Variants in EVI5 observed in about 807,000 individuals in gnomAD.
EVI5 encodes the protein ecotropic viral integration site 5 protein homolog.
A neutral mutation model predicts 112.0 loss-of-function variants in EVI5; 73 were observed. That is an observed-to-expected ratio of 0.65 (90% CI 0.54 to 0.79). The LOEUF is 0.79. Ranked by LOEUF, EVI5 falls within the 30% of genes least tolerant of loss-of-function variation. The pLI, the probability that EVI5 is intolerant of heterozygous loss-of-function variation, is 0.00. For synonymous variants in EVI5, 305 were observed against 319.9 expected (o/e 0.95, Z 0.50); for missense variants, 900 against 968.8 (o/e 0.93, Z 0.94).
At chr1:92,691,917 A>T (rs1669561351) in intron 9 of EVI5, among the ~76,000 whole-genome samples, 1 of 152,196 alleles carries the variant, frequency 6.6e-6, no homozygotes. Context: ...GTTTGGGAAG[A>T]ATGGTAAGGT....
At chr1:92,684,576 C>A (rs1260980087) in intron 9 of EVI5, among the ~76,000 whole-genome samples, 1 of 152,046 alleles carries the variant, frequency 6.6e-6, no homozygotes, top group Admixed American at 6.5e-5. Flanking sequence ...TGTAAATGGG[C>A]TAAATGCTCC....
rs150110976 is a variant in EVI5 at position 92,697,981 on chromosome 1, G to A, written c.644C>T (p.Pro215Leu). The change falls in exon 6 of 20, where the codon CCA (proline) becomes CTA (leucine). Residue 215 changes from proline (P) to leucine (L), a missense_variant. Transcript: ENST00000684568. ...FIVGLLLMQM[P>L]EEEAFCVFVK... ...AAATACACAGAAAGCTTCTTCTTCT[G>A]GCATCTACATTGGAAGAAAAAAAAA... 3 of 1,609,042 alleles carry A rather than the reference G, an allele frequency of 1.9e-6. No homozygotes were observed. In the African/African-American group the frequency reaches 4.0e-5, roughly 22 times the overall value.
At chr1:92,563,049 T>C (rs529927377) in intron 19 of EVI5, among the ~76,000 whole-genome samples, 5 of 152,302 alleles carry the variant, frequency 3.3e-5, no homozygotes, top group African/African-American at 1.2e-4. Context: ...AACATATCTC[T>C]CTAATCAAAA....
At chr1:92,542,586 A>T (rs1664999402) in intron 19 of EVI5, among the ~76,000 whole-genome samples, 1 of 152,236 alleles carries the variant, frequency 6.6e-6, no homozygotes. Context: ...CATTAGAGGA[A>T]TCACTATATA....
chr1:92,524,850 CAA>C (rs1661584195), intron 19 of EVI5, among the ~76,000 whole-genome samples: 1 of 132,490 alleles, frequency 7.5e-6, no homozygotes, highest in African/African-American at 2.8e-5. Context: ...TTTTTTTAGA[CAA>C]AGTCTCACTG....
chr1:92,644,099 C>A (rs1057182853), intron 13 of EVI5, among the ~76,000 whole-genome samples: 4 of 152,118 alleles, frequency 2.6e-5, no homozygotes, highest in East Asian at 1.9e-4. Flanking sequence ...ATATTTCCAA[C>A]AGATCACTTA....
At chr1:92,695,263 G>C (rs763525553) in intron 7 of EVI5, 47 bp downstream of exon 7, 1 of 1,538,056 alleles carries the variant, frequency 6.5e-7, no homozygotes, top group East Asian at 2.3e-5. Context: ...CACTAACTCA[G>C]TGACCCCTTT....
intron 10 of EVI5, among the ~76,000 whole-genome samples, chr1:92,673,374 G>A (rs1278804060): frequency 3.3e-5 from 5 of 151,832 alleles, no homozygotes; most frequent in African/African-American, 9.7e-5. Context: ...TCTGCGTCCC[G>A]AAGCACAAAT....
intron 18 of EVI5, among the ~76,000 whole-genome samples, chr1:92,595,113 C>T (rs1647362934): frequency 6.6e-6 from 1 of 151,948 alleles, no homozygotes; most frequent in Admixed American, 6.6e-5. Context: ...GACACATGCA[C>T]ACGTATGTTT....
chr1:92,671,718 A>T (rs1410886246), intron 10 of EVI5, among the ~76,000 whole-genome samples: 1 of 151,506 alleles, frequency 6.6e-6, no homozygotes, highest in Non-Finnish European at 1.5e-5. Context: ...TCCTCCTCAC[A>T]CATCTCTACA....
intron 18 of EVI5, among the ~76,000 whole-genome samples, chr1:92,582,034 C>T (rs527499860): frequency 1.3e-5 from 2 of 152,284 alleles, no homozygotes; most frequent in Non-Finnish European, 1.5e-5. Context: ...GGGATTTCAT[C>T]GTTGTGTGAA....
chr1:92,719,393 T>C (rs1031252148), intron 2 of EVI5, among the ~76,000 whole-genome samples: 3 of 151,934 alleles, frequency 2.0e-5, no homozygotes, highest in African/African-American at 7.3e-5. Flanking sequence ...TGGTTCAACA[T>C]ACACAAATCA....
chr1:92,591,718 A>T (rs1673942379), intron 18 of EVI5, among the ~76,000 whole-genome samples: 1 of 152,192 alleles, frequency 6.6e-6, no homozygotes, highest in Admixed American at 6.5e-5. Flanking sequence ...AAAGTTAACA[A>T]GGATATCCAG....
intron 1 of EVI5, among the ~76,000 whole-genome samples, chr1:92,783,229 A>C (rs1558256918): frequency 6.6e-6 from 1 of 152,066 alleles, no homozygotes; most frequent in Non-Finnish European, 1.5e-5. Flanking sequence ...TTTAGAACAG[A>C]AAAAAGACCA....
At chr1:92,570,848 G>A (rs1046057857) in intron 18 of EVI5, among the ~76,000 whole-genome samples, 1 of 152,034 alleles carries the variant, frequency 6.6e-6, no homozygotes, top group Non-Finnish European at 1.5e-5. Context: ...TGATTTCTTT[G>A]GAGGAAAGAT....
At chr1:92,729,520 G>A (rs77294119) in intron 2 of EVI5, among the ~76,000 whole-genome samples, 166 of 152,246 alleles carry the variant, frequency 1.1e-3, no homozygotes, top group African/African-American at 3.6e-3. Context: ...GAACACAGAT[G>A]CAAATACATT....
intron 1 of EVI5, among the ~76,000 whole-genome samples, chr1:92,748,474 T>G (rs1453771995): frequency 1.3e-5 from 2 of 152,234 alleles, no homozygotes; most frequent in Non-Finnish European, 2.9e-5. Context: ...TCTAAATTCC[T>G]GACCCACAGA....
At chr1:92,774,023 C>T (rs1473585952) in intron 1 of EVI5, 1 of 105,092 alleles carries the variant, frequency 9.5e-6, no homozygotes, top group Admixed American at 1.2e-4. Flanking sequence ...AGAGCAAGAC[C>T]CTGTCTCCAA....
chr1:92,597,838 C>T (rs750980463), intron 18 of EVI5, among the ~76,000 whole-genome samples: 9 of 152,160 alleles, frequency 5.9e-5, no homozygotes, highest in Non-Finnish European at 1.2e-4. Flanking sequence ...GTGGGCAGAT[C>T]GCTTGAGCTC....
Sources: gnomAD v4.1 joint callset for allele counts (sites outside exome capture counted in the v4.1 genomes callset) on GRCh38, gnomAD v4.1.1 for gene constraint, MANE v1.5 for transcripts, NCBI Gene and HGNC (gene_info 2026-07-23, HGNC 2026-07-21) for gene names.